The following ENPP1 variants were observed in gnomAD, a reference collection of about 807,000 sequenced individuals.
ENPP1 encodes the protein ectonucleotide pyrophosphatase/phosphodiesterase family member 1.
A neutral mutation model predicts 122.8 loss-of-function variants in ENPP1; 73 were observed. The ratio of observed to expected loss-of-function variants is 0.59; its 90% CI spans 0.49 to 0.72. The LOEUF (loss-of-function observed/expected upper bound fraction) is 0.72. Ranked by LOEUF, ENPP1 falls within the 30% of genes least tolerant of loss-of-function variation. The pLI, the probability that ENPP1 is intolerant of heterozygous loss-of-function variation, is 0.00. For missense variants in ENPP1, 978 were observed against 1,128.1 expected (o/e 0.87, Z 1.91); for synonymous variants, 367 against 391.6 (o/e 0.94, Z 0.74).
At position 131,843,680 on chromosome 6, in the gene ENPP1, T is replaced by C. The variant is rs1203365001; in HGVS notation, c.241-4096T>C. On this transcript the variant is annotated intron_variant, in intron 1 of 24. Transcript: ENST00000647893. ...TCGTCTTTTTTTTTTTTTTCCCCCA[T>C]TTTCCCACTTCCACTCTTAGAATTT... Among the ~76,000 whole-genome samples, 5 of 150,236 alleles carry C rather than the reference T, an allele frequency of 3.3e-5. No homozygotes were observed. The East Asian group carries it at 9.9e-4, about 30-fold the overall frequency.
At chr6:131,876,850 C>G (rs975080099) in intron 17 of ENPP1, 142 bp from the exon 18 acceptor site, 2 of 749,034 alleles carry the variant, frequency 2.7e-6, no homozygotes, top group Admixed American at 2.3e-5. Flanking sequence ...CTCTAAAACC[C>G]AAGAGAGTTT....
At chr6:131,860,142 A>G (rs936709414) in intron 7 of ENPP1, among the ~76,000 whole-genome samples, 3 of 152,164 alleles carry the variant, frequency 2.0e-5, no homozygotes, top group African/African-American at 7.2e-5. Flanking sequence ...CCTTTTTTAT[A>G]TAGATCTTTA....
At chr6:131,886,122 T>A (rs1021438138) in intron 23 of ENPP1, among the ~76,000 whole-genome samples, 1 of 152,230 alleles carries the variant, frequency 6.6e-6, no homozygotes, top group Non-Finnish European at 1.5e-5. Context: ...AAACAATTCA[T>A]GACAACATGT....
chr6:131,878,481 A>G (rs912391438), intron 18 of ENPP1, 61 bp from the exon 19 acceptor site: 51 of 984,312 alleles, frequency 5.2e-5, no homozygotes, highest in African/African-American at 1.3e-4. Context: ...TAGCGGTTCT[A>G]TGTTACAAAA....
At chr6:131,810,892 A>G (rs1781341410) in intron 1 of ENPP1, among the ~76,000 whole-genome samples, 1 of 152,162 alleles carries the variant, frequency 6.6e-6, no homozygotes, top group African/African-American at 2.4e-5. Flanking sequence ...GGTTGATCTT[A>G]GGAGAGGGCC....
At chr6:131,886,358 T>G (rs1198344701) in intron 23 of ENPP1, among the ~76,000 whole-genome samples, 13 of 152,200 alleles carry the variant, frequency 8.5e-5, no homozygotes, top group Admixed American at 6.5e-4. Context: ...TAAAAATTAT[T>G]TGGAGTGTGT....
chr6:131,817,390 G>A (rs1421377137), intron 1 of ENPP1, among the ~76,000 whole-genome samples: 2 of 152,132 alleles, frequency 1.3e-5, no homozygotes, highest in African/African-American at 4.8e-5. Context: ...TGTGTCTTTG[G>A]TAGTTCAGTG....
intron 8 of ENPP1, 89 bp downstream of exon 8, chr6:131,860,595 T>C: frequency 2.0e-6 from 2 of 1,005,020 alleles, no homozygotes; most frequent in South Asian, 1.4e-5. Context: ...GAGCTTTTAA[T>C]AACTGATTTC....
chr6:131,818,111 T>G (rs1781439177), intron 1 of ENPP1, among the ~76,000 whole-genome samples: 1 of 152,078 alleles, frequency 6.6e-6, no homozygotes, highest in Non-Finnish European at 1.5e-5. Flanking sequence ...ATCTGGGGGA[T>G]CTTGATGCTC....
chr6:131,827,424 C>T (rs1781559018), intron 1 of ENPP1: 1 of 701,478 alleles, frequency 1.4e-6, no homozygotes, highest in Non-Finnish European at 2.6e-6. Context: ...CCACCACAGC[C>T]TGTAGGAGGA....
intron 1 of ENPP1, among the ~76,000 whole-genome samples, chr6:131,824,860 G>C (rs980374715): frequency 2.6e-5 from 4 of 152,020 alleles, no homozygotes; most frequent in African/African-American, 9.7e-5. Flanking sequence ...AAGAGTTCAA[G>C]ACCAGCCTGG....
intron 8 of ENPP1, among the ~76,000 whole-genome samples, chr6:131,861,338 T>A (rs1782020235): frequency 6.6e-6 from 1 of 152,056 alleles, no homozygotes; most frequent in Non-Finnish European, 1.5e-5. Flanking sequence ...TATTCGTGAA[T>A]TTTTTTTCTT....
chr6:131,859,384 C>CTTTT (rs557550057), intron 7 of ENPP1, among the ~76,000 whole-genome samples: 1 of 145,458 alleles, frequency 6.9e-6, no homozygotes, highest in Non-Finnish European at 1.5e-5. Flanking sequence ...CAGAGGCTAC[C>CTTTT]TTTTTTTTTT....
intron 22 of ENPP1, 48 bp from the exon 23 acceptor site, chr6:131,884,883 A>G (rs1461390990): frequency 6.9e-6 from 11 of 1,605,652 alleles, no homozygotes; most frequent in Non-Finnish European, 8.5e-6. Context: ...ACACGTCAAC[A>G]TGGTCCCTTG....
At chr6:131,840,993 T>A (rs1781732736) in intron 1 of ENPP1, among the ~76,000 whole-genome samples, 1 of 152,174 alleles carries the variant, frequency 6.6e-6, no homozygotes. Context: ...ACTAGTTATG[T>A]AAAGGGCTTC....
intron 2 of ENPP1, among the ~76,000 whole-genome samples, chr6:131,849,628 C>T (rs1242954221): frequency 6.6e-6 from 1 of 152,178 alleles, no homozygotes; most frequent in African/African-American, 2.4e-5. Context: ...CTGCTTAAGC[C>T]AACTTTTTCA....
chr6:131,845,423 A>G (rs544600089), intron 1 of ENPP1, among the ~76,000 whole-genome samples: 2 of 150,018 alleles, frequency 1.3e-5, no homozygotes, highest in African/African-American at 4.9e-5. Flanking sequence ...AATTGACAGT[A>G]AAACAGTTTT....
At position 131,860,406 on chromosome 6, in the gene ENPP1, A is replaced by T; in HGVS notation, c.815A>T (p.His272Leu). Residue 272 changes from histidine (H) to leucine (L), a missense_variant, in exon 8 of 25, where the codon CAT (histidine) becomes CTT (leucine). Physicochemically the swap from His to Leu is moderately conservative, Grantham distance 99 (BLOSUM62 -3). Transcript: ENST00000647893. ...TTTTAGGGATTGTATCCAGAATCTC[A>T]TGGCATAATCGACAATAAAATGTAT... ...SIVTGLYPES[H>L]GIIDNKMYDP... is the part of the protein sequence containing the mutation. The T allele has an allele frequency of 6.3e-7, 1 of 1,598,496 alleles. No homozygotes were observed. The highest frequency in any genetic ancestry group is 8.6e-7 in the Non-Finnish European group (1 of 1,166,394).
At chr6:131,880,832 G>A (rs969394743) in intron 20 of ENPP1, among the ~76,000 whole-genome samples, 1 of 152,106 alleles carries the variant, frequency 6.6e-6, no homozygotes, top group African/African-American at 2.4e-5. Context: ...GCCCAAACCA[G>A]GGAGAGGCCA....
Sources: gnomAD v4.1 joint callset for allele counts (sites outside exome capture counted in the v4.1 genomes callset) on GRCh38, gnomAD v4.1.1 for gene constraint, MANE v1.5 for transcripts, NCBI Gene and HGNC (gene_info 2026-07-23, HGNC 2026-07-21) for gene names.